The following SRGAP2B variants were observed in gnomAD, a reference collection of about 807,000 sequenced individuals.
SRGAP2B encodes the protein SLIT-ROBO Rho GTPase activating protein 2B.
A neutral mutation model predicts 22.2 loss-of-function variants in SRGAP2B; 9 were observed. The observed-to-expected ratio is 0.41, with a 90% confidence interval of 0.24 to 0.71. The LOEUF is 0.71. SRGAP2B is among the 30% of genes least tolerant of loss of function. SRGAP2B has a pLI of 0.35. For synonymous variants in SRGAP2B, 36 were observed against 87.4 expected (o/e 0.41, Z 3.28); for missense variants, 114 against 235.8 (o/e 0.48, Z 3.38).
intron 2 of SRGAP2B, among the ~76,000 whole-genome samples, chr1:145,069,102 A>C (rs1231374658): frequency 7.0e-6 from 1 of 142,656 alleles, no homozygotes. Flanking sequence ...AGGTAACAAA[A>C]CTGGAAGCAC....
intron 4 of SRGAP2B, among the ~76,000 whole-genome samples, chr1:144,931,514 T>C (rs1245967070): frequency 1.5e-4 from 22 of 150,692 alleles, no homozygotes; most frequent in African/African-American, 5.5e-4. Context: ...TCATCAGATA[T>C]ATTCTGCAGA....
Position 144,931,232 on chromosome 1 carries a change from A to G in SRGAP2B, c.424-16478T>C, listed in dbSNP as rs1166379800. ...TTCACCTCTCTACATCTCTCTGCAC[A>G]AAAAGCACTTAGTACTTACAGACGC... is the stretch of plus-strand genomic sequence containing the variant. On this transcript the variant is annotated intron_variant, in intron 4 of 9. Transcript: ENST00000612199. Among the ~76,000 whole-genome samples the G allele has an allele frequency of 3.1e-4, 46 of 150,414 alleles. 1 individual carries two copies. The highest frequency in any genetic ancestry group is 6.6e-4 in the Non-Finnish European group (45 of 67,978).
At chr1:144,980,022 C>G (rs1570915618) in intron 3 of SRGAP2B, among the ~76,000 whole-genome samples, 1 of 150,412 alleles carries the variant, frequency 6.6e-6, no homozygotes, top group South Asian at 2.1e-4. Flanking sequence ...CCGGAGAAAA[C>G]AGGAGCAAGA....
intron 2 of SRGAP2B, among the ~76,000 whole-genome samples, chr1:145,082,081 C>CAAAA (rs1214095985): frequency 7.0e-6 from 1 of 143,606 alleles, no homozygotes; most frequent in Non-Finnish European, 1.5e-5. Context: ...AACAAACAAA[C>CAAAA]AAAAAAAACA....
chr1:145,036,378 A>C (rs1553626656), intron 2 of SRGAP2B, among the ~76,000 whole-genome samples: 1 of 143,822 alleles, frequency 7.0e-6, no homozygotes. Context: ...CAATCTCCTC[A>C]TGTAAAAGAG....
At chr1:144,941,859 A>G (rs1666075816) in intron 4 of SRGAP2B, among the ~76,000 whole-genome samples, 1 of 149,386 alleles carries the variant, frequency 6.7e-6, no homozygotes. Flanking sequence ...GCACAATGGA[A>G]ATTCTGACCT....
intron 2 of SRGAP2B, among the ~76,000 whole-genome samples, chr1:145,009,713 T>A (rs1197347966): frequency 5.6e-5 from 8 of 142,042 alleles, no homozygotes; most frequent in African/African-American, 2.2e-4. Context: ...TAAAAAGTTT[T>A]TAAATATCTA....
chr1:144,976,662 A>C (rs1668929907), intron 3 of SRGAP2B, among the ~76,000 whole-genome samples: 2 of 145,566 alleles, frequency 1.4e-5, no homozygotes, highest in South Asian at 4.3e-4. Flanking sequence ...GGAAGTGCTC[A>C]AAGAACGATG....
chr1:144,950,765 A>G (rs587606509), intron 4 of SRGAP2B, among the ~76,000 whole-genome samples: 1 of 150,650 alleles, frequency 6.6e-6, no homozygotes, highest in African/African-American at 2.5e-5. Flanking sequence ...ATCCTAATAC[A>G]GTATGTAGAT....
At chr1:144,909,223 C>T (rs1663221605) in intron 5 of SRGAP2B, among the ~76,000 whole-genome samples, 1 of 149,402 alleles carries the variant, frequency 6.7e-6, no homozygotes, top group Admixed American at 6.7e-5. Flanking sequence ...ATTTATATCA[C>T]AGAAGCCCGA....
chr1:145,015,634 T>G (rs1672365136), intron 2 of SRGAP2B, among the ~76,000 whole-genome samples: 1 of 149,848 alleles, frequency 6.7e-6, no homozygotes, highest in Non-Finnish European at 1.5e-5. Flanking sequence ...ACGTAAAGGA[T>G]TGGAATTACC....
intron 3 of SRGAP2B, among the ~76,000 whole-genome samples, chr1:144,994,675 A>C (rs2102154252): frequency 6.7e-6 from 1 of 148,226 alleles, no homozygotes; most frequent in Non-Finnish European, 1.5e-5. Flanking sequence ...TTCCTCATCT[A>C]TAAATTGGGG....
chr1:144,917,919 G>T (rs1553603966), intron 4 of SRGAP2B: 4 of 64,468 alleles, frequency 6.2e-5, no homozygotes, highest in Non-Finnish European at 1.1e-4. Flanking sequence ...GGGCTTCCGT[G>T]CTGGCCACTG....
intron 1 of SRGAP2B, among the ~76,000 whole-genome samples, chr1:145,093,838 G>T (rs1360084591): frequency 7.0e-6 from 1 of 143,772 alleles, no homozygotes; most frequent in Non-Finnish European, 1.5e-5. Flanking sequence ...TACATCAAAG[G>T]GGATCAAAGC....
rs1367464811 is a variant in SRGAP2B at position 145,009,699 on chromosome 1, A to T, written c.68-14499T>A. 6.4e-4 allele frequency among the ~76,000 whole-genome samples: 93 copies of T among 144,878 alleles called. 3 individuals carry two copies. Among genetic ancestry groups the T allele is most frequent in the African/African-American group, 2.4e-3 (89 of 37,730 alleles). ...CTACTGTATATATTTGAAATTTTTT[A>T]TAATAAAAAGTTTTTAAATATCTAA... On this transcript the variant is annotated intron_variant, in intron 2 of 9. Transcript: ENST00000612199.
chr1:144,984,308 G>A (rs1224602289), intron 3 of SRGAP2B, among the ~76,000 whole-genome samples: 7 of 130,272 alleles, frequency 5.4e-5, no homozygotes, highest in South Asian at 2.4e-4. Context: ...CAACAAGAGC[G>A]AAACTCCATC....
intron 3 of SRGAP2B, among the ~76,000 whole-genome samples, chr1:144,983,273 T>A (rs1266654571): frequency 9.6e-6 from 1 of 104,288 alleles, no homozygotes; most frequent in Non-Finnish European, 1.8e-5. Context: ...AACCCAATGC[T>A]ATCCTGTGAG....
chr1:145,051,481 T>C (rs1408560159), intron 2 of SRGAP2B, among the ~76,000 whole-genome samples: 1 of 149,212 alleles, frequency 6.7e-6, no homozygotes, highest in East Asian at 2.0e-4. Context: ...GGCTTCAGAG[T>C]TGGGCAACCA....
chr1:144,985,878 G>A (rs587700265), intron 3 of SRGAP2B, among the ~76,000 whole-genome samples: 1 of 149,196 alleles, frequency 6.7e-6, no homozygotes, highest in Non-Finnish European at 1.5e-5. Flanking sequence ...GAGAAAGAAG[G>A]AGAGGGATGG....
Sources: allele counts gnomAD v4.1 joint callset (sites outside exome capture counted in the v4.1 genomes callset), GRCh38; gene constraint gnomAD v4.1.1; transcripts MANE v1.5; gene names NCBI Gene and HGNC (gene_info 2026-07-23, HGNC 2026-07-21).